The following PRKN variants were observed in gnomAD, a reference collection of about 807,000 sequenced individuals.
PRKN encodes parkin RBR E3 ubiquitin protein ligase, also known as E3 ubiquitin-protein ligase parkin.
In PRKN, 56 loss-of-function variants were observed where a neutral mutation model predicts 59.5. That is an observed-to-expected ratio of 0.94 (90% CI 0.76 to 1.18). PRKN has a LOEUF of 1.18. PRKN is among the 50% of genes most tolerant of loss of function. The pLI, the probability that PRKN is intolerant of heterozygous loss-of-function variation, is 0.00. For missense variants in PRKN, 657 were observed against 596.4 expected, an observed-to-expected ratio of 1.10 and a Z score of -1.06; for synonymous variants, 250 against 222.1, an observed-to-expected ratio of 1.13 and a Z score of -1.12.
At chr6:162,258,985 G>A (rs992812054) in intron 3 of PRKN, among the ~76,000 whole-genome samples, 11 of 152,076 alleles carry the variant, frequency 7.2e-5, no homozygotes, top group African/African-American at 1.9e-4. Context: ...AACATATGAG[G>A]CTACAGCCCA....
intron 1 of PRKN, among the ~76,000 whole-genome samples, chr6:162,669,264 C>T (rs944295118): frequency 6.6e-6 from 1 of 151,974 alleles, no homozygotes; most frequent in African/African-American, 2.4e-5. Flanking sequence ...ATGCTCTTCA[C>T]ATCTGAATAG....
intron 6 of PRKN, among the ~76,000 whole-genome samples, chr6:161,961,899 A>G (rs952322294): frequency 1.3e-5 from 2 of 152,198 alleles, no homozygotes; most frequent in Admixed American, 1.3e-4. Context: ...ATATCTGTGT[A>G]GCCCAGTGCC....
At chr6:162,001,832 C>G (rs757292647) in intron 5 of PRKN, among the ~76,000 whole-genome samples, 1 of 139,040 alleles carries the variant, frequency 7.2e-6, no homozygotes, top group Non-Finnish European at 1.5e-5. Context: ...CCCTGTATCT[C>G]TAGTTTGCAA....
At chr6:162,076,735 C>T (rs1778845235) in intron 4 of PRKN, among the ~76,000 whole-genome samples, 1 of 152,096 alleles carries the variant, frequency 6.6e-6, no homozygotes, top group Non-Finnish European at 1.5e-5. Context: ...TATCATTTAT[C>T]CTCCTTTTAG....
chr6:161,520,143 AATGATGGGTAC>A (rs936938936), intron 9 of PRKN, among the ~76,000 whole-genome samples: 6 of 151,812 alleles, frequency 4.0e-5, no homozygotes, highest in Non-Finnish European at 5.9e-5. Flanking sequence ...TTCGATGACA[AATGATGGGTAC>A]ATGATGGGTT....
At chr6:162,072,296 T>A (rs1285946038) in intron 4 of PRKN, among the ~76,000 whole-genome samples, 1 of 151,846 alleles carries the variant, frequency 6.6e-6, no homozygotes, top group Non-Finnish European at 1.5e-5. Flanking sequence ...CAAAAAAAAA[T>A]ATTAAACAGG....
intron 7 of PRKN, among the ~76,000 whole-genome samples, chr6:161,644,481 G>A (rs1190081846): frequency 1.3e-5 from 2 of 152,196 alleles, no homozygotes; most frequent in Admixed American, 6.5e-5. Context: ...TGGTAGACAC[G>A]TGGATTTCGC....
intron 7 of PRKN, among the ~76,000 whole-genome samples, chr6:161,572,834 C>T (rs1780944480): frequency 6.6e-6 from 1 of 152,128 alleles, no homozygotes; most frequent in Non-Finnish European, 1.5e-5. Flanking sequence ...CGGAGACTTG[C>T]AGGCTGAAGA....
chr6:162,548,599 A>G (rs1010952382), intron 1 of PRKN, among the ~76,000 whole-genome samples: 1 of 152,176 alleles, frequency 6.6e-6, no homozygotes, highest in Non-Finnish European at 1.5e-5. Flanking sequence ...TGTAATACAA[A>G]CCAAAGAGAC....
Position 161,545,073 on chromosome 6 carries a change from C to A in PRKN, c.1083+3781G>T. The A allele has an allele frequency of 1.1e-6, 1 of 937,134 alleles. No homozygotes were observed. The allele number at this position is 937,134 out of a possible 1,614,324, so 58.1% of individuals were successfully genotyped here. ...AGCCCAGAGCTCAACACATGGGTGT[C>A]TAGCTCCGAACAATTTTAAATCCCA... On this transcript the variant is annotated intron_variant, in intron 9 of 11. Transcript: ENST00000366898. The surrounding 1 kb of genome is among the most constrained non-coding windows in gnomAD (Gnocchi z 4.1).
chr6:161,942,501 A>G (rs953077295), intron 6 of PRKN, among the ~76,000 whole-genome samples: 14 of 152,334 alleles, frequency 9.2e-5, no homozygotes, highest in African/African-American at 3.4e-4. Flanking sequence ...ATTGTATTCC[A>G]GCTTGGGCGA....
At chr6:161,734,562 T>C (rs552003619) in intron 7 of PRKN, among the ~76,000 whole-genome samples, 91 of 152,102 alleles carry the variant, frequency 6.0e-4, no homozygotes, top group Non-Finnish European at 1.1e-3. Context: ...GGTAATACAT[T>C]TGTGTTAAGT....
intron 7 of PRKN, among the ~76,000 whole-genome samples, chr6:161,719,834 G>A (rs1787145471): frequency 6.6e-6 from 1 of 152,174 alleles, no homozygotes; most frequent in South Asian, 2.1e-4. Flanking sequence ...TTCTCGCTAT[G>A]GTGCCCAAGC....
chr6:161,903,983 G>A (rs966433159), intron 6 of PRKN, among the ~76,000 whole-genome samples: 5 of 151,818 alleles, frequency 3.3e-5, no homozygotes, highest in Non-Finnish European at 5.9e-5. Flanking sequence ...GGGAAGCAGA[G>A]TGCAGACTGT....
In PRKN at chr6:161,561,545, C is replaced by T. The variant is rs1780454718; in HGVS notation, c.933+7810G>A. Among the ~76,000 whole-genome samples the T allele has an allele frequency of 6.6e-6, 1 of 152,158 alleles. No individual in the cohort carries two copies. The highest frequency in any genetic ancestry group is 1.5e-5 in the Non-Finnish European group (1 of 68,026). ...CATCATACTGCATCTCTCCTCTTCA[C>T]ATCCCTGCAACTATGAACACACCTG... On this transcript the variant is annotated intron_variant, in intron 8 of 11. Coordinates refer to ENST00000366898, the MANE Select transcript of PRKN (RefSeq NM_004562.3). This position sits in a 1 kb window ranked among gnomAD's most constrained non-coding sequence, Gnocchi z 5.0.
intron 2 of PRKN, among the ~76,000 whole-genome samples, chr6:162,304,482 C>T (rs930516393): frequency 1.4e-5 from 2 of 146,252 alleles, no homozygotes; most frequent in Non-Finnish European, 3.0e-5. Flanking sequence ...ATGCTTGACT[C>T]ATCCAGTTCT....
intron 4 of PRKN, among the ~76,000 whole-genome samples, chr6:162,197,678 C>A (rs1021057726): frequency 2.0e-5 from 3 of 151,992 alleles, no homozygotes; most frequent in African/African-American, 7.3e-5. Context: ...TGTAAAAACA[C>A]TGGATGAGAA....
chr6:161,743,196 T>G (rs73015230), intron 7 of PRKN, among the ~76,000 whole-genome samples: 40,831 of 144,530 alleles, frequency 0.28, 6,033 homozygotes, highest in Admixed American at 0.33. Flanking sequence ...TCCTTGCCTG[T>G]CTATACTGGT....
chr6:162,400,781 T>C (rs1787753233), intron 2 of PRKN, among the ~76,000 whole-genome samples: 1 of 152,174 alleles, frequency 6.6e-6, no homozygotes, highest in Non-Finnish European at 1.5e-5. Flanking sequence ...CAAATGCTTA[T>C]GGAACAGTCA....
Sources: gnomAD v4.1 joint callset for allele counts (sites outside exome capture counted in the v4.1 genomes callset) on GRCh38, gnomAD v4.1.1 for gene constraint, Gnocchi (gnomAD v3.1) non-coding constraint, MANE v1.5 for transcripts, NCBI Gene and HGNC (gene_info 2026-07-23, HGNC 2026-07-21) for gene names.